DENND2C: variants seen among roughly 807,000 people sequenced by gnomAD.
DENND2C encodes the protein DENN domain-containing protein 2C.
In DENND2C, 72 loss-of-function variants were observed where a neutral mutation model predicts 112.4. The ratio of observed to expected loss-of-function variants is 0.64; its 90% CI spans 0.53 to 0.78. The LOEUF (loss-of-function observed/expected upper bound fraction) is 0.78. Among genes scored for constraint, DENND2C ranks in the 30% least tolerant of loss-of-function variants. DENND2C has a pLI of 0.00. For missense variants in DENND2C, 992 were observed against 1,113.8 expected (o/e 0.89, Z 1.56); for synonymous variants, 329 against 381.6 (o/e 0.86, Z 1.61).
At chr1:114,653,300 G>T (rs1657219499) in intron 2 of DENND2C, among the ~76,000 whole-genome samples, 1 of 151,840 alleles carries the variant, frequency 6.6e-6, no homozygotes, top group Non-Finnish European at 1.5e-5. Context: ...GTAGAGATCG[G>T]GTTTCATCAT....
chr1:114,664,353 C>T (rs950871987), intron 1 of DENND2C, among the ~76,000 whole-genome samples: 2 of 152,112 alleles, frequency 1.3e-5, no homozygotes, highest in Non-Finnish European at 2.9e-5. Context: ...TGGCTCATGC[C>T]TGTAATCCTA....
At chr1:114,594,763 T>C (rs1273670995) in intron 17 of DENND2C, among the ~76,000 whole-genome samples, 185 bp from the exon 18 acceptor site, 2 of 152,204 alleles carry the variant, frequency 1.3e-5, no homozygotes, top group East Asian at 1.9e-4. Context: ...ATTTTAACTA[T>C]ATTAAAAAAA....
Position 114,645,566 on chromosome 1 carries a change from C to T in DENND2C, c.-316-7G>A, listed in dbSNP as rs1656958438. 6.6e-6 allele frequency: 1 copy of T among 152,120 alleles called. No homozygotes were observed. Among genetic ancestry groups the T allele is most frequent in the Non-Finnish European group, 1.5e-5 (1 of 68,024 alleles). 9.4% of individuals were successfully genotyped at this position (152,120 alleles called of 1,614,324 possible). A position where few individuals can be genotyped will look rare whatever the true frequency, so the allele number is the denominator to read the frequency against. On this transcript the variant is annotated splice_region_variant and splice_polypyrimidine_tract_variant and intron_variant, in intron 2 of 20. Coordinates refer to ENST00000393274, the MANE Select transcript of DENND2C (RefSeq NM_001256404.2). ...TTATGGTAGACCTAGCAAACTAATA[C>T]AAAAGGCCACAGTAATAGAAAAAGA...
intron 10 of DENND2C, among the ~76,000 whole-genome samples, chr1:114,607,124 TCAGGCAGTGGAGAA>T (rs1277426076): frequency 2.6e-5 from 4 of 152,142 alleles, no homozygotes; most frequent in Non-Finnish European, 5.9e-5. Context: ...GCCCAGGGAA[TCAGGCAGTGGAGAA>T]CAGGACAACA....
chr1:114,586,897 AAT>A, intron 20 of DENND2C: 1 of 153,740 alleles, frequency 6.5e-6, no homozygotes. Flanking sequence ...ATGCCTAGCT[AAT>A]TTTTTTTTTT....
intron 17 of DENND2C, 134 bp from the exon 18 acceptor site, chr1:114,594,712 C>T: frequency 1.6e-6 from 1 of 631,196 alleles, no homozygotes; most frequent in South Asian, 2.1e-5. Context: ...AGTCTGAAGT[C>T]TCCTTCCCTA....
intron 3 of DENND2C, 33 bp downstream of exon 3, chr1:114,645,415 G>A (rs1311030999): frequency 6.6e-6 from 1 of 152,132 alleles, no homozygotes; most frequent in Non-Finnish European, 1.5e-5. Flanking sequence ...TGCTATCTAC[G>A]AGCCAAGGAA....
rs551578149 is a variant in DENND2C, at chr1:114,656,247, C to CT, written c.-573-1487dup. On this transcript the variant is annotated intron_variant, in intron 1 of 20. Coordinates refer to ENST00000393274, the MANE Select transcript of DENND2C (RefSeq NM_001256404.2). ...CCATGCCTGGCTAATTGTTTAAAAA[C>CT]TTTTTTTGTAGAAATGGGGTCTTAC... 1.3e-4 allele frequency among the ~76,000 whole-genome samples: 20 copies of CT among 151,750 alleles called. No homozygotes were observed. In the East Asian group the frequency reaches 2.5e-3, roughly 19 times the overall value.
intron 18 of DENND2C, 146 bp from the exon 19 acceptor site, chr1:114,588,098 T>C: frequency 1.4e-6 from 1 of 718,546 alleles, no homozygotes. Context: ...TTCTTCACTT[T>C]CTTTCTGCAC....
At chr1:114,587,087 G>A (rs1475646613) in intron 20 of DENND2C, 2 of 272,890 alleles carry the variant, frequency 7.3e-6, no homozygotes, top group South Asian at 5.9e-5. Context: ...TAGCAGAGAT[G>A]GGGTTTCACC....
chr1:114,602,625 C>T (rs1655544076), intron 11 of DENND2C, among the ~76,000 whole-genome samples: 1 of 152,056 alleles, frequency 6.6e-6, no homozygotes, highest in South Asian at 2.1e-4. Flanking sequence ...TGCAGTGGTG[C>T]AAACAGATCT....
At chr1:114,608,266 C>T (rs1419754477) in intron 10 of DENND2C, among the ~76,000 whole-genome samples, 2 of 149,330 alleles carry the variant, frequency 1.3e-5, no homozygotes, top group African/African-American at 2.5e-5. Flanking sequence ...AAGACTCCAT[C>T]TAAAAAAAAA....
At chr1:114,610,170 A>C (rs1655771731) in intron 9 of DENND2C, among the ~76,000 whole-genome samples, 1 of 152,174 alleles carries the variant, frequency 6.6e-6, no homozygotes. Flanking sequence ...CTTAAATAGG[A>C]AGTAGATAAC....
intron 16 of DENND2C, among the ~76,000 whole-genome samples, chr1:114,598,233 G>A (rs1399267701): frequency 2.0e-5 from 3 of 152,124 alleles, no homozygotes; most frequent in Non-Finnish European, 4.4e-5. Context: ...ATGTTCAACT[G>A]TAGAATGGAT....
intron 1 of DENND2C, among the ~76,000 whole-genome samples, chr1:114,666,223 C>T (rs973980421): frequency 6.6e-6 from 1 of 152,172 alleles, no homozygotes; most frequent in Non-Finnish European, 1.5e-5. Flanking sequence ...GGCCCCTATC[C>T]TCCCTTATCT....
rs1655014170 is a variant in DENND2C, at chr1:114,585,432, G to C, written c.*168C>G. 1.4e-5 allele frequency: 9 copies of C among 664,008 alleles called. No individual in the cohort carries two copies. In the East Asian group the frequency reaches 2.2e-4, roughly 16 times the overall value. 41.1% of individuals were successfully genotyped at this position (664,008 alleles called of 1,614,324 possible). A position where few individuals can be genotyped will look rare whatever the true frequency, so the allele number is the denominator to read the frequency against. Reference sequence around the variant, plus strand: ...AGACCATTCCCAACAATTCTCCAGTGATTACTACAGCAGCAACAGGAGAAT... The same window carrying C: ...AGACCATTCCCAACAATTCTCCAGTCATTACTACAGCAGCAACAGGAGAAT... On this transcript the variant is annotated 3_prime_UTR_variant, in exon 21 of 21. Coordinates refer to ENST00000393274, the MANE Select transcript of DENND2C (RefSeq NM_001256404.2).
intron 1 of DENND2C, among the ~76,000 whole-genome samples, chr1:114,661,157 A>AC (rs1194073907): frequency 6.6e-6 from 1 of 151,714 alleles, no homozygotes; most frequent in African/African-American, 2.4e-5. Context: ...TATCTTCACT[A>AC]CCTAAAAGCA....
chr1:114,587,775 T>A lies in DENND2C; in HGVS notation c.2609A>T (p.Glu870Val). Residue 870 changes from glutamate (E) to valine (V), a missense_variant, in exon 19 of 21, where the codon GAA becomes GTA. Glu to Val is a moderately radical substitution (Grantham distance 121). Around this residue, in one of 3 missense-constraint regions of DENND2C, gnomAD observed 516 missense variants for 623.6 expected, o/e 0.83. Transcript: ENST00000393274. ...GATGAATCCTGCAAACATCTGAGTT[T>A]CCATGAAGAGATCCAGGAAGTGGCG... ...SVRHFLDLFM[E>V]TQMFAGFIQD... 1 of 1,614,146 alleles carries A rather than the reference T, an allele frequency of 6.2e-7. No homozygotes were observed. The highest frequency in any genetic ancestry group is 1.1e-5 in the South Asian group (1 of 91,080).
At chr1:114,604,656 G>C (rs1368189401) in intron 11 of DENND2C, among the ~76,000 whole-genome samples, 1 of 131,806 alleles carries the variant, frequency 7.6e-6, no homozygotes, top group African/African-American at 2.9e-5. Context: ...ATGTAAAATA[G>C]AACTTTTTTT....
Sources: gnomAD v4.1 joint callset for allele counts (sites outside exome capture counted in the v4.1 genomes callset) on GRCh38, gnomAD v4.1.1 for gene constraint, gnomAD v4.1.1 regional missense constraint, MANE v1.5 for transcripts, NCBI Gene and HGNC (gene_info 2026-07-23, HGNC 2026-07-21) for gene names.